Variants in TSHZ2 observed in about 807,000 individuals in gnomAD.
TSHZ2 encodes the protein teashirt zinc finger homeobox 2, also known as teashirt homolog 2.
A neutral mutation model predicts 74.4 loss-of-function variants in TSHZ2; 21 were observed. The observed-to-expected ratio is 0.28, with a 90% confidence interval of 0.20 to 0.41. TSHZ2 has a LOEUF of 0.41. TSHZ2 is among the 10% of genes least tolerant of loss of function. The pLI is 1.00. For synonymous variants in TSHZ2, 540 were observed against 515.3 expected, an observed-to-expected ratio of 1.05 and a Z score of -0.65; for missense variants, 1,244 against 1,293.5, an observed-to-expected ratio of 0.96 and a Z score of 0.59.
intron 2 of TSHZ2, among the ~76,000 whole-genome samples, chr20:53,281,541 T>C (rs889779886): frequency 2.6e-5 from 4 of 152,198 alleles, no homozygotes; most frequent in Non-Finnish European, 4.4e-5. Flanking sequence ...AATAAAACTT[T>C]ATTTATGAAA....
At chr20:53,196,416 C>G (rs984078038) in intron 1 of TSHZ2, 2 of 144,464 alleles carry the variant, frequency 1.4e-5, no homozygotes, top group Non-Finnish European at 3.0e-5. Flanking sequence ...AATTAGAATA[C>G]GCCACCTAGT....
intron 2 of TSHZ2, among the ~76,000 whole-genome samples, chr20:53,426,385 G>A (rs749279928): frequency 1.3e-5 from 2 of 152,128 alleles, no homozygotes; most frequent in Non-Finnish European, 2.9e-5. Flanking sequence ...CCTTGGCTCA[G>A]AACTTCTTGG....
chr20:52,977,006 A>G (rs1981365820), intron 1 of TSHZ2, among the ~76,000 whole-genome samples: 1 of 152,218 alleles, frequency 6.6e-6, no homozygotes, highest in Non-Finnish European at 1.5e-5. Context: ...TTAGACTATT[A>G]GCAATCATTA....
At chr20:53,028,768 T>A (rs1354908488) in intron 1 of TSHZ2, among the ~76,000 whole-genome samples, 1 of 152,148 alleles carries the variant, frequency 6.6e-6, no homozygotes, top group Non-Finnish European at 1.5e-5. Flanking sequence ...GTGAAATGGC[T>A]TCCTCTGGCC....
chr20:53,185,356 C>T, intron 1 of TSHZ2: 1 of 1,160,986 alleles, frequency 8.6e-7, no homozygotes, highest in Non-Finnish European at 1.1e-6. Context: ...TCTGTTTGCT[C>T]CAAAATTGGT....
At chr20:53,228,103 A>AACACACACAC (rs10561638) in intron 1 of TSHZ2, among the ~76,000 whole-genome samples, 12 of 134,542 alleles carry the variant, frequency 8.9e-5, no homozygotes, top group South Asian at 5.1e-4. Context: ...TGGCCCCCAA[A>AACACACACAC]ACACACACAC....
chr20:53,455,641 C>A (rs962286794), intron 2 of TSHZ2, among the ~76,000 whole-genome samples: 1 of 151,930 alleles, frequency 6.6e-6, no homozygotes, highest in Non-Finnish European at 1.5e-5. Flanking sequence ...TATACATGTG[C>A]CATGCTGGTG....
At position 53,294,168 on chromosome 20, in the gene TSHZ2, C is replaced by G. The variant is rs146357571; in HGVS notation, c.*8+37597C>G. Among the ~76,000 whole-genome samples, 3 of 52,334 alleles carry G rather than the reference C, an allele frequency of 5.7e-5. No individual in the cohort carries two copies. In the East Asian group the frequency reaches 1.3e-3, roughly 22 times the overall value. The allele number at this position is 52,334 out of a possible 152,430, so 34.3% of individuals were successfully genotyped here. On this transcript the variant is annotated intron_variant, in intron 2 of 2. Transcript: ENST00000371497. ...TAGGAGGGGCTGGATCTTGGCAGGT[C>G]GCTTAATCGCTCTAGCCTCCAGAGA...
chr20:53,427,475 A>C (rs1983696018), intron 2 of TSHZ2, among the ~76,000 whole-genome samples: 1 of 152,166 alleles, frequency 6.6e-6, no homozygotes, highest in Non-Finnish European at 1.5e-5. Context: ...GGGGAAAAAA[A>C]CTGTGGAAGT....
At chr20:53,009,066 C>T (rs1292454727) in intron 1 of TSHZ2, among the ~76,000 whole-genome samples, 1 of 149,404 alleles carries the variant, frequency 6.7e-6, no homozygotes, top group East Asian at 2.0e-4. Flanking sequence ...TGGTGGCTCA[C>T]ACCTATAACA....
At chr20:53,363,961 AT>A (rs1218518439) in intron 2 of TSHZ2, among the ~76,000 whole-genome samples, 1 of 152,200 alleles carries the variant, frequency 6.6e-6, no homozygotes, top group African/African-American at 2.4e-5. Context: ...AGACAAAATT[AT>A]TTTTTCTATC....
chr20:53,271,113 G>A lies in TSHZ2; in HGVS notation c.*8+14542G>A, dbSNP rs1428186390. ...ATGCGAGGCCTTTGTAAGTGGAGGG[G>A]AGACCTGATATGCAGTCTCCAGAGA... On this transcript the variant is annotated intron_variant, in intron 2 of 2. Transcript: ENST00000371497. 2.6e-5 allele frequency among the ~76,000 whole-genome samples: 4 copies of A among 152,200 alleles called. No homozygotes were observed. In the South Asian group the frequency reaches 6.2e-4, roughly 24 times the overall value.
At chr20:53,335,823 G>A (rs1392042000) in intron 2 of TSHZ2, among the ~76,000 whole-genome samples, 6 of 104,444 alleles carry the variant, frequency 5.7e-5, no homozygotes, top group East Asian at 4.4e-4. Flanking sequence ...TCTGCCAGGC[G>A]GCAAAATCTT....
intron 2 of TSHZ2, among the ~76,000 whole-genome samples, chr20:53,272,291 T>C (rs985352885): frequency 6.6e-6 from 1 of 152,096 alleles, no homozygotes; most frequent in Admixed American, 6.5e-5. Context: ...ATTACAGGCA[T>C]GAACCACCGT....
At chr20:53,303,288 C>G (rs145101534) in intron 2 of TSHZ2, among the ~76,000 whole-genome samples, 1 of 152,182 alleles carries the variant, frequency 6.6e-6, no homozygotes, top group Non-Finnish European at 1.5e-5. Flanking sequence ...GCAATGATGA[C>G]GTCTATCTTG....
chr20:53,463,217 T>C (rs1478810628), intron 2 of TSHZ2, among the ~76,000 whole-genome samples: 1 of 152,138 alleles, frequency 6.6e-6, no homozygotes, highest in African/African-American at 2.4e-5. Flanking sequence ...TGAAGGAACT[T>C]AGTCTATCTA....
At chr20:53,272,742 T>C (rs1600781912) in intron 2 of TSHZ2, among the ~76,000 whole-genome samples, 2 of 152,102 alleles carry the variant, frequency 1.3e-5, no homozygotes, top group East Asian at 1.9e-4. Flanking sequence ...CCAGGATGTT[T>C]TTGCATCCGG....
intron 1 of TSHZ2, among the ~76,000 whole-genome samples, chr20:53,211,726 AAAG>A (rs1487278845): frequency 1.4e-4 from 22 of 152,134 alleles, no homozygotes; most frequent in African/African-American, 5.3e-4. Context: ...AAACAATAAT[AAAG>A]AAGAACTTTT....
chr20:53,277,489 C>T (rs1600784897), intron 2 of TSHZ2, among the ~76,000 whole-genome samples: 1 of 152,076 alleles, frequency 6.6e-6, no homozygotes, highest in Middle Eastern at 3.4e-3. Context: ...TATAACAGCT[C>T]ATCCAAGGAC....
Sources: gnomAD v4.1 joint callset for allele counts (sites outside exome capture counted in the v4.1 genomes callset) on GRCh38, gnomAD v4.1.1 for gene constraint, MANE v1.5 for transcripts, NCBI Gene and HGNC (gene_info 2026-07-23, HGNC 2026-07-21) for gene names.